The following ATP8B4 variants were observed in gnomAD, a reference collection of about 807,000 sequenced individuals.
ATP8B4 encodes the protein ATPase phospholipid transporting 8B4 (putative), also known as probable phospholipid-transporting ATPase IM.
Under a neutral mutation model 145.6 loss-of-function variants are expected in ATP8B4, and 133 were observed. The ratio of observed to expected loss-of-function variants is 0.91; its 90% CI spans 0.79 to 1.05. The LOEUF (loss-of-function observed/expected upper bound fraction) is 1.05, where lower values mean the gene tolerates loss of function less well. Ranked by LOEUF, ATP8B4 falls within the 50% of genes least tolerant of loss-of-function variation. The pLI, the probability that ATP8B4 is intolerant of heterozygous loss-of-function variation, is 0.00. For missense variants in ATP8B4, 1,458 were observed against 1,425.2 expected (o/e 1.02, Z -0.37); for synonymous variants, 507 against 492.9 (o/e 1.03, Z -0.38).
chr15:49,893,245 C>T (rs2037023589), intron 23 of ATP8B4, among the ~76,000 whole-genome samples: 1 of 152,154 alleles, frequency 6.6e-6, no homozygotes, highest in African/African-American at 2.4e-5. Context: ...AATTCACAGA[C>T]TAATGTGAAC....
At chr15:49,932,316 G>GT (rs1447518380) in intron 15 of ATP8B4, among the ~76,000 whole-genome samples, 1 of 151,786 alleles carries the variant, frequency 6.6e-6, no homozygotes, top group African/African-American at 2.4e-5. Context: ...GTTACCAGTG[G>GT]TTACCTCTGT....
In ATP8B4 at chr15:49,987,766, G is replaced by GA. The variant is rs1191676224; in HGVS notation, c.590-218dup. ...TTTCTGTACTGTCCAAATAAAAATAGAAAAAACAAATAATAACAGAAACCT... is the reference window on the plus strand; with the variant it reads ...TTTCTGTACTGTCCAAATAAAAATAGAAAAAAACAAATAATAACAGAAACCT... On this transcript the variant is annotated intron_variant, in intron 9 of 27. Transcript: ENST00000284509. Among the ~76,000 whole-genome samples, 7 of 151,372 alleles carry GA rather than the reference G, an allele frequency of 4.6e-5. No individual in the cohort carries two copies. The South Asian group carries it at 1.0e-3, about 23-fold the overall frequency.
chr15:50,065,697 C>T (rs1301934990), intron 3 of ATP8B4, among the ~76,000 whole-genome samples: 1 of 152,064 alleles, frequency 6.6e-6, no homozygotes, highest in Non-Finnish European at 1.5e-5. Context: ...CAAAATTCTG[C>T]CATCAAAAAT....
intron 20 of ATP8B4, among the ~76,000 whole-genome samples, chr15:49,905,754 G>C (rs1403552238): frequency 6.6e-6 from 1 of 151,024 alleles, no homozygotes; most frequent in Non-Finnish European, 1.5e-5. Context: ...AATTTTTTTA[G>C]CTTTTTTCTA....
chr15:50,169,950 G>A (rs2044647774), intron 1 of ATP8B4, among the ~76,000 whole-genome samples: 1 of 152,104 alleles, frequency 6.6e-6, no homozygotes, highest in East Asian at 1.9e-4. Flanking sequence ...CAAAGACATG[G>A]TCTTCGAATT....
intron 5 of ATP8B4, 110 bp from the exon 6 acceptor site, chr15:50,038,939 G>T: frequency 1.1e-6 from 1 of 911,894 alleles, no homozygotes; most frequent in Admixed American, 2.0e-5. Context: ...GTTGTCACTG[G>T]TCTAAGATGA....
At chr15:49,908,758 C>A (rs1012187068) in intron 20 of ATP8B4, among the ~76,000 whole-genome samples, 1 of 152,250 alleles carries the variant, frequency 6.6e-6, no homozygotes, top group Middle Eastern at 3.4e-3. Flanking sequence ...TCCCCACCTG[C>A]AGCCACCACC....
chr15:50,147,438 A>C (rs983396394), intron 1 of ATP8B4, among the ~76,000 whole-genome samples: 10 of 136,918 alleles, frequency 7.3e-5, no homozygotes, highest in Non-Finnish European at 1.6e-5. Flanking sequence ...AAAAAAAAAA[A>C]AAAGTATATA....
At chr15:49,866,196 A>T in intron 26 of ATP8B4, 150 bp downstream of exon 26, 1 of 1,115,644 alleles carries the variant, frequency 9.0e-7, no homozygotes, top group Non-Finnish European at 1.2e-6. Context: ...AGCCACTTTT[A>T]AACTCGGAAG....
chr15:50,028,223 A>G (rs1567223437), intron 6 of ATP8B4, among the ~76,000 whole-genome samples: 1 of 152,140 alleles, frequency 6.6e-6, no homozygotes. Flanking sequence ...TTTAGAGATC[A>G]TTACTCTTAC....
Position 49,996,740 on chromosome 15 carries a change from G to A in ATP8B4, c.526C>T (p.Arg176Cys), listed in dbSNP as rs116334504. 7.0e-4 allele frequency: 1,121 copies of A among 1,609,418 alleles called. 6 individuals carry two copies. In the East Asian group the frequency reaches 0.012, roughly 18 times the overall value. ...ELDGETNLKV[R>C]HALSVTSELG... ...TCTGAAGTAACTGATAGTGCATGGCGGACTTTTAGGTTCGTTTCCCTGTGA... is the reference window on the plus strand; with the variant it reads ...TCTGAAGTAACTGATAGTGCATGGCAGACTTTTAGGTTCGTTTCCCTGTGA... The change falls in exon 9 of 28, where the codon CGC becomes TGC. Residue 176 changes from arginine (R) to cysteine (C), a missense_variant. Coordinates refer to ENST00000284509, the MANE Select transcript of ATP8B4 (RefSeq NM_024837.4).
At position 49,860,563 on chromosome 15, in the gene ATP8B4, T is replaced by C. The variant is rs942507599; in HGVS notation, c.3298-88A>G. On this transcript the variant is annotated intron_variant, in intron 27 of 27. Coordinates refer to ENST00000284509, the MANE Select transcript of ATP8B4 (RefSeq NM_024837.4). Reference sequence around the variant, plus strand: ...CACTTTGTAAAGTGAAAGCCTTTTTTTTTTATAAGTAAAAACAACATTGCA... The same window carrying C: ...CACTTTGTAAAGTGAAAGCCTTTTTCTTTTATAAGTAAAAACAACATTGCA... 3 of 1,406,224 alleles carry C rather than the reference T, an allele frequency of 2.1e-6. No individual in the cohort carries two copies. In the African/African-American group the frequency reaches 4.3e-5, roughly 20 times the overall value. The allele number at this position is 1,406,224 out of a possible 1,614,324, so 87.1% of individuals were successfully genotyped here.
At chr15:50,013,315 G>C (rs1240442446) in intron 6 of ATP8B4, among the ~76,000 whole-genome samples, 1 of 152,100 alleles carries the variant, frequency 6.6e-6, no homozygotes, top group Non-Finnish European at 1.5e-5. Context: ...AGCTCTTCTA[G>C]GGGGACATAG....
intron 23 of ATP8B4, among the ~76,000 whole-genome samples, chr15:49,894,269 G>A (rs572114952): frequency 1.1e-4 from 16 of 152,180 alleles, no homozygotes; most frequent in Non-Finnish European, 2.4e-4. Flanking sequence ...CAGAGCAAAG[G>A]CTTAGTGAAT....
At chr15:49,865,862 A>G (rs58737091) in intron 26 of ATP8B4, among the ~76,000 whole-genome samples, 3,625 of 152,310 alleles carry the variant, frequency 0.024, 148 homozygotes, top group African/African-American at 0.083. Context: ...CCTACTCCTC[A>G]TGCCACTTAT....
At chr15:50,153,976 A>C (rs2044381649) in intron 1 of ATP8B4, among the ~76,000 whole-genome samples, 1 of 152,184 alleles carries the variant, frequency 6.6e-6, no homozygotes, top group African/African-American at 2.4e-5. Flanking sequence ...AGAGGACCAA[A>C]TTTTTAGTTT....
chr15:49,918,763 T>C (rs1021654153), intron 19 of ATP8B4, 76 bp downstream of exon 19: 12 of 1,042,402 alleles, frequency 1.2e-5, no homozygotes, highest in Admixed American at 1.1e-4. Context: ...AATTAACCTT[T>C]CTGGTTAATT....
At chr15:50,055,900 G>T (rs1033212164) in intron 3 of ATP8B4, among the ~76,000 whole-genome samples, 1 of 152,154 alleles carries the variant, frequency 6.6e-6, no homozygotes, top group African/African-American at 2.4e-5. Flanking sequence ...TTAGACATCT[G>T]GTACCTCACT....
intron 17 of ATP8B4, among the ~76,000 whole-genome samples, chr15:49,920,661 C>G (rs879257432): frequency 6.6e-6 from 1 of 152,182 alleles, no homozygotes; most frequent in Admixed American, 6.5e-5. Context: ...GCTGAAAAGC[C>G]TGCTGAAGTG....
Sources: allele counts gnomAD v4.1 joint callset (sites outside exome capture counted in the v4.1 genomes callset), GRCh38; gene constraint gnomAD v4.1.1; transcripts MANE v1.5; gene names NCBI Gene and HGNC (gene_info 2026-07-23, HGNC 2026-07-21).